KCNJ6: variants seen among roughly 807,000 people sequenced by gnomAD.
The protein encoded by KCNJ6 is G protein-activated inward rectifier potassium channel 2.
Under a neutral mutation model 34.2 loss-of-function variants are expected in KCNJ6, and 9 were observed. That is an observed-to-expected ratio of 0.26 (90% CI 0.16 to 0.46). KCNJ6 has a LOEUF of 0.46. KCNJ6 is among the 20% of genes least tolerant of loss of function. The pLI is 1.00. For synonymous variants in KCNJ6, 196 were observed against 207.1 expected (o/e 0.95, Z 0.46); for missense variants, 236 against 531.3 (o/e 0.44, Z 5.46).
chr21:37,878,198 T>C (rs2123619993), intron 1 of KCNJ6, among the ~76,000 whole-genome samples: 1 of 152,194 alleles, frequency 6.6e-6, no homozygotes, highest in East Asian at 1.9e-4. Flanking sequence ...TCAAGCATAA[T>C]TGAATTATTC....
intron 2 of KCNJ6, among the ~76,000 whole-genome samples, chr21:37,836,118 A>C (rs995518409): frequency 2.0e-5 from 3 of 152,248 alleles, no homozygotes; most frequent in African/African-American, 7.2e-5. Context: ...ACATTTATGC[A>C]GCCAACAAAC....
At chr21:37,751,433 G>A (rs1305283257) in intron 2 of KCNJ6, among the ~76,000 whole-genome samples, 1 of 152,324 alleles carries the variant, frequency 6.6e-6, no homozygotes, top group Non-Finnish European at 1.5e-5. Context: ...CGGGAGGTGG[G>A]ACGCTTATTG....
rs2054256451 is a variant in KCNJ6, at chr21:37,614,542, ATGCGTG to A, written c.*10611_*10616del. On this transcript the variant is annotated 3_prime_UTR_variant, in exon 4 of 4. Transcript: ENST00000609713. Reference sequence around the variant, plus strand: ...CATGTGTGTATGCATGTCTCTGTGTATGCGTGTGTGTGTATGCGTGTGTGTATGCAT... The same window carrying A: ...CATGTGTGTATGCATGTCTCTGTGTATGTGTGTATGCGTGTGTGTATGCAT... 1 of 80,182 alleles carries A rather than the reference ATGCGTG, an allele frequency of 1.2e-5. No homozygotes were observed. The highest frequency in any genetic ancestry group is 4.5e-5 in the African/African-American group (1 of 22,028). 5.0% of individuals were successfully genotyped at this position (80,182 alleles called of 1,614,324 possible).
At chr21:37,880,287 C>T (rs1290668636) in intron 1 of KCNJ6, among the ~76,000 whole-genome samples, 2 of 152,074 alleles carry the variant, frequency 1.3e-5, no homozygotes, top group African/African-American at 4.8e-5. Context: ...TGTGCATTGT[C>T]CAGGAAAAAA....
chr21:37,785,217 G>C (rs191467832), intron 2 of KCNJ6, among the ~76,000 whole-genome samples: 3 of 152,168 alleles, frequency 2.0e-5, no homozygotes, highest in Non-Finnish European at 4.4e-5. Context: ...AGAACCTGAG[G>C]CTTCAGGTTA....
chr21:37,699,614 T>G (rs1312203123), intron 3 of KCNJ6, among the ~76,000 whole-genome samples: 2 of 152,210 alleles, frequency 1.3e-5, no homozygotes, highest in African/African-American at 4.8e-5. Context: ...CCTTGGGGCA[T>G]GGCTGCTCTT....
intron 2 of KCNJ6, among the ~76,000 whole-genome samples, chr21:37,739,198 G>A (rs1400667325): frequency 2.0e-5 from 3 of 151,980 alleles, no homozygotes; most frequent in Admixed American, 6.5e-5. Context: ...GGATATAGTG[G>A]GTGAAATAAA....
chr21:37,812,918 C>A (rs1028460572), intron 2 of KCNJ6, among the ~76,000 whole-genome samples: 2 of 152,040 alleles, frequency 1.3e-5, no homozygotes, highest in Non-Finnish European at 2.9e-5. Context: ...TAGCTACAGC[C>A]GTCAGACAAG....
At chr21:37,751,662 TC>T (rs1568834179) in intron 2 of KCNJ6, among the ~76,000 whole-genome samples, 1 of 152,140 alleles carries the variant, frequency 6.6e-6, no homozygotes, top group African/African-American at 2.4e-5. Flanking sequence ...CACAGGAGGG[TC>T]CTGACCAAAA....
chr21:37,732,642 C>G (rs1007602881), intron 2 of KCNJ6, among the ~76,000 whole-genome samples: 2 of 152,294 alleles, frequency 1.3e-5, no homozygotes, highest in South Asian at 4.1e-4. Flanking sequence ...TGGGTTCTCA[C>G]GACAGAGGAA....
chr21:37,687,122 A>G (rs1458628463), intron 3 of KCNJ6, among the ~76,000 whole-genome samples: 1 of 152,084 alleles, frequency 6.6e-6, no homozygotes, highest in East Asian at 1.9e-4. Context: ...CCTTGGAGGC[A>G]TTTCAGTGGC....
In KCNJ6 at chr21:37,622,663, C is replaced by T. The variant is rs751986190; in HGVS notation, c.*2496G>A. On this transcript the variant is annotated 3_prime_UTR_variant, in exon 4 of 4. Coordinates refer to ENST00000609713, the MANE Select transcript of KCNJ6 (RefSeq NM_002240.5). The stretch of plus-strand genomic sequence containing the variant: ...GGGAGAGACCTCACATCTGGGTGCC[C>T]GTCACAGACACAGAACTGACAGGTG... 3.3e-5 allele frequency: 5 copies of T among 152,124 alleles called. No individual in the cohort carries two copies. Among genetic ancestry groups the T allele is most frequent in the Admixed American group, 6.5e-5 (1 of 15,274 alleles). The allele number at this position is 152,124 out of a possible 1,614,324, so 9.4% of individuals were successfully genotyped here.
At chr21:37,907,722 CA>C (rs1222955329) in intron 1 of KCNJ6, among the ~76,000 whole-genome samples, 2 of 152,224 alleles carry the variant, frequency 1.3e-5, no homozygotes, top group South Asian at 4.1e-4. Flanking sequence ...ATCCTTCCTT[CA>C]TCTTCAAATA....
intron 2 of KCNJ6, among the ~76,000 whole-genome samples, chr21:37,786,333 G>C (rs2055192360): frequency 6.6e-6 from 1 of 152,196 alleles, no homozygotes; most frequent in Non-Finnish European, 1.5e-5. Flanking sequence ...AAGTGACAGA[G>C]GTTGGCACTT....
chr21:37,648,934 C>G (rs1028116728), intron 3 of KCNJ6, among the ~76,000 whole-genome samples: 3 of 151,988 alleles, frequency 2.0e-5, no homozygotes, highest in Admixed American at 6.5e-5. Flanking sequence ...GAATTCGAGA[C>G]AAGCCTGGCC....
At chr21:37,721,611 T>C (rs561004771) in intron 2 of KCNJ6, among the ~76,000 whole-genome samples, 1 of 152,356 alleles carries the variant, frequency 6.6e-6, no homozygotes, top group African/African-American at 2.4e-5. Context: ...GATTCTGATA[T>C]ATGCTACAAC....
intron 3 of KCNJ6, among the ~76,000 whole-genome samples, chr21:37,653,087 A>T (rs576002099): frequency 1.3e-5 from 2 of 152,214 alleles, no homozygotes; most frequent in Non-Finnish European, 2.9e-5. Flanking sequence ...AGAGATCAGC[A>T]GCTCAAGTGC....
intron 1 of KCNJ6, among the ~76,000 whole-genome samples, chr21:37,878,043 A>G (rs2055687781): frequency 1.3e-5 from 2 of 152,254 alleles, no homozygotes; most frequent in Non-Finnish European, 2.9e-5. Context: ...ATGGATGACT[A>G]AATGGTTTCA....
At chr21:37,685,707 A>AAAAAAAAT (rs1270564408) in intron 3 of KCNJ6, among the ~76,000 whole-genome samples, 1 of 27,922 alleles carries the variant, frequency 3.6e-5, no homozygotes, top group African/African-American at 8.0e-5. Flanking sequence ...AAAAAAAAAA[A>AAAAAAAAT]ATCTATCCTA....
Sources: allele counts gnomAD v4.1 joint callset (sites outside exome capture counted in the v4.1 genomes callset), GRCh38; gene constraint gnomAD v4.1.1; transcripts MANE v1.5; gene names NCBI Gene and HGNC (gene_info 2026-07-23, HGNC 2026-07-21).